Variants in STRN4 observed in about 807,000 individuals in gnomAD.
STRN4 encodes striatin 4, also known as striatin-4.
Under a neutral mutation model 77.9 loss-of-function variants are expected in STRN4, and 27 were observed. The observed-to-expected ratio is 0.35, with a 90% CI of 0.26 to 0.48. The LOEUF is 0.48. STRN4 is among the 20% of genes least tolerant of loss of function. The pLI is 0.99. For synonymous variants in STRN4, 466 were observed against 443.1 expected, an observed-to-expected ratio of 1.05 and a Z score of -0.65; for missense variants, 798 against 1,049.7, an observed-to-expected ratio of 0.76 and a Z score of 3.31.
chr19:46,740,832 G>A lies in STRN4; in HGVS notation c.283-1944C>T, dbSNP rs926649017. 3.9e-5 allele frequency among the ~76,000 whole-genome samples: 6 copies of A among 152,220 alleles called. No homozygotes were observed. In the East Asian group the frequency reaches 5.8e-4, roughly 15 times the overall value. On this transcript the variant is annotated intron_variant, in intron 1 of 17. Transcript: ENST00000263280. Reference sequence around the variant, plus strand: ...TGCAATGTGACTAGGACCCCATTGCGGGAGCGAAGGACGCTATGGGAAGAG... The same window carrying A: ...TGCAATGTGACTAGGACCCCATTGCAGGAGCGAAGGACGCTATGGGAAGAG...
Position 46,723,496 on chromosome 19 carries a change from G to A in STRN4, c.1595-212C>T, listed in dbSNP as rs184607104. Among the ~76,000 whole-genome samples, 118 of 152,328 alleles carry A rather than the reference G, an allele frequency of 7.7e-4. No homozygotes were observed. Among genetic ancestry groups the A allele is most frequent in the Non-Finnish European group, 1.4e-3 (96 of 68,020 alleles). On this transcript the variant is annotated intron_variant, in intron 12 of 17. Coordinates refer to ENST00000263280, the MANE Select transcript of STRN4 (RefSeq NM_013403.3). The surrounding 1 kb of genome is among the most constrained non-coding windows in gnomAD (Gnocchi z 5.5). ...CTAGCTCTCCAAGGAAGGTTCTAGG[G>A]CTCCAGAAGGCAGGGATTTCCCTCT... is the stretch of plus-strand genomic sequence containing the variant.
chr19:46,729,754 G>A (rs1326204413), intron 6 of STRN4, among the ~76,000 whole-genome samples: 2 of 152,190 alleles, frequency 1.3e-5, no homozygotes, highest in East Asian at 1.9e-4. Context: ...AGCACTTGGG[G>A]GACAGCCACC....
In STRN4 at chr19:46,725,355, A is replaced by G. The variant is rs749806636; in HGVS notation, c.1449T>C (p.Pro483=). The part of the protein sequence containing the change: ...AKKNAALDVE[P]IHAFRAHRGP... ...ACCTGTGAGCCCGGAAAGCATGTAT[A>G]GGTTCCACATCTAGCGCCGCATTCC... is the stretch of plus-strand genomic sequence containing the variant. Residue 483 remains proline (P), a synonymous_variant, in exon 11 of 18, where the codon CCT becomes CCC. Coordinates refer to ENST00000263280, the MANE Select transcript of STRN4 (RefSeq NM_013403.3). 114 of 1,614,060 alleles carry G rather than the reference A, an allele frequency of 7.1e-5. No individual in the cohort carries two copies. Among genetic ancestry groups the G allele is most frequent in the Non-Finnish European group, 9.6e-5 (113 of 1,180,052 alleles).
rs779582832 is a variant in STRN4 at position 46,727,500 on chromosome 19, C to T, written c.1200G>A (p.Gly400=). The change falls in exon 9 of 18, where the codon GGG becomes GGA. Residue 400 remains glycine (G), a synonymous_variant. Transcript: ENST00000263280. The stretch of plus-strand genomic sequence containing the variant: ...TGGTGACGGTGAGATCTGCCAAGTC[C>T]CCCAGGCTCACCTCCCCGCCCCCGA... ...DTIGGGEVSL[G]DLADLTVTND... is the part of the protein sequence containing the mutation. 6 of 1,613,898 alleles carry T rather than the reference C, an allele frequency of 3.7e-6. No homozygotes were observed. The Admixed American group carries it at 8.3e-5, about 22-fold the overall frequency.
intron 8 of STRN4, 129 bp from the exon 9 acceptor site, chr19:46,727,675 A>G: frequency 1.2e-6 from 1 of 803,366 alleles, no homozygotes; most frequent in Non-Finnish European, 2.0e-6. Context: ...GGGAGAGGAC[A>G]AGATGAAGAA....
At chr19:46,739,039 G>C in intron 1 of STRN4, 151 bp from the exon 2 acceptor site, 1 of 681,184 alleles carries the variant, frequency 1.5e-6, no homozygotes, top group South Asian at 1.7e-5. Flanking sequence ...CCCAAGCCAG[G>C]GTTCAGGGAG....
rs1484325256 is a variant in STRN4, at chr19:46,727,621, C to G, written c.1154-75G>C. Reference sequence around the variant, plus strand: ...AGAGGGCCAGGGAGAGAGAGAATGACAGAGAGAGGCAGAGAAAGAGATAAA... The same window carrying G: ...AGAGGGCCAGGGAGAGAGAGAATGAGAGAGAGAGGCAGAGAAAGAGATAAA... On this transcript the variant is annotated intron_variant, in intron 8 of 17. Transcript: ENST00000263280. 5.9e-6 allele frequency: 7 copies of G among 1,178,256 alleles called. No individual in the cohort carries two copies. In the East Asian group the frequency reaches 1.5e-4, roughly 25 times the overall value. The allele number at this position is 1,178,256 out of a possible 1,614,324, so 73.0% of individuals were successfully genotyped here.
In STRN4 at chr19:46,741,093, A is replaced by C. The variant is rs1445000348; in HGVS notation, c.283-2205T>G. Among the ~76,000 whole-genome samples the C allele has an allele frequency of 2.0e-5, 3 of 152,220 alleles. No individual in the cohort carries two copies. Among genetic ancestry groups the C allele is most frequent in the African/African-American group, 7.2e-5 (3 of 41,470 alleles). The stretch of plus-strand genomic sequence containing the variant: ...TTATAAAGGCAGCTCCAGCTAAAAC[A>C]TGGAGAACTGACTGGAGGGAGTTCT... On this transcript the variant is annotated intron_variant, in intron 1 of 17. Coordinates refer to ENST00000263280, the MANE Select transcript of STRN4 (RefSeq NM_013403.3). This position sits in a 1 kb window ranked among gnomAD's most constrained non-coding sequence, Gnocchi z 4.9.
chr19:46,728,854 G>T, intron 6 of STRN4, 77 bp from the exon 7 acceptor site: 1 of 1,568,694 alleles, frequency 6.4e-7, no homozygotes. Flanking sequence ...CTAGGAACAG[G>T]TAAGCCGGGG....
At chr19:46,728,575 G>T in intron 7 of STRN4, 43 bp downstream of exon 7, 1 of 1,594,240 alleles carries the variant, frequency 6.3e-7, no homozygotes. Flanking sequence ...CACCCCCTCG[G>T]TGGGGAAGGC....
At chr19:46,743,138 G>A (rs1013986324) in intron 1 of STRN4, among the ~76,000 whole-genome samples, 2 of 152,196 alleles carry the variant, frequency 1.3e-5, no homozygotes, top group African/African-American at 4.8e-5. Context: ...TACAGCAGTA[G>A]TTCATCTATT....
intron 6 of STRN4, among the ~76,000 whole-genome samples, chr19:46,729,187 G>A (rs931389785): frequency 3.9e-5 from 6 of 152,244 alleles, no homozygotes; most frequent in Non-Finnish European, 8.8e-5. Flanking sequence ...ACCAGCAGCC[G>A]TGCTGGCACA....
chr19:46,720,876 G>T, intron 16 of STRN4, 105 bp from the exon 17 acceptor site: 1 of 1,315,990 alleles, frequency 7.6e-7, no homozygotes, highest in Non-Finnish European at 1.0e-6. Context: ...GGGGAAGTGG[G>T]GCTCAACTCT....
Position 46,728,653 on chromosome 19 carries a change from C to A in STRN4, c.1004G>T (p.Arg335Leu). The change falls in exon 7 of 18, where the codon CGG becomes CTG. Residue 335 changes from arginine (R) to leucine (L), a missense_variant. Coordinates refer to ENST00000263280, the MANE Select transcript of STRN4 (RefSeq NM_013403.3). ...GEDGEGAPDP[R>L]RCTVDGSPHE... The stretch of plus-strand genomic sequence containing the variant: ...GGGGCTCCCATCCACAGTGCACCGC[C>A]GAGGGTCTGGAGCCCCTTCCCCATC... 6.2e-7 allele frequency: 1 copy of A among 1,614,082 alleles called. No homozygotes were observed.
intron 8 of STRN4, 108 bp downstream of exon 8, chr19:46,727,786 T>G (rs997692289): frequency 1.2e-5 from 13 of 1,053,632 alleles, no homozygotes; most frequent in African/African-American, 1.6e-5. Flanking sequence ...GGCTGCAGAC[T>G]GGAGGCTGGG....
In STRN4 at chr19:46,738,153, AGGGT is replaced by A; in HGVS notation, c.460+7_460+10del. ...AGGGTGCCGACAGTGCGAGCATCAG[AGGGT>A]GGGTACCTTGTTCTGACACATCTGC... On this transcript the variant is annotated splice_region_variant and intron_variant, in intron 3 of 17. Coordinates refer to ENST00000263280, the MANE Select transcript of STRN4 (RefSeq NM_013403.3). This position sits in a 1 kb window ranked among gnomAD's most constrained non-coding sequence, Gnocchi z 4.5. The A allele has an allele frequency of 6.2e-7, 1 of 1,613,958 alleles. No homozygotes were observed. Among genetic ancestry groups the A allele is most frequent in the Non-Finnish European group, 8.5e-7 (1 of 1,179,812 alleles).
rs1599851499 is a variant in STRN4 at position 46,719,861 on chromosome 19, G to A, written c.*544C>T. 2 of 152,324 alleles carry A rather than the reference G, an allele frequency of 1.3e-5. No individual in the cohort carries two copies. The highest frequency in any genetic ancestry group is 4.8e-5 in the African/African-American group (2 of 41,438). 9.4% of individuals were successfully genotyped at this position (152,324 alleles called of 1,614,324 possible). A position where few individuals can be genotyped will look rare whatever the true frequency, so the allele number is the denominator to read the frequency against. ...GGGCGCTGGGAGGGCTGCCCTAGGA[G>A]TGTTGGGCAATCCCTGGCCTGGAAG... On this transcript the variant is annotated 3_prime_UTR_variant, in exon 18 of 18. Transcript: ENST00000263280.
chr19:46,737,396 G>C (rs1164683530), intron 3 of STRN4, among the ~76,000 whole-genome samples: 2 of 152,186 alleles, frequency 1.3e-5, no homozygotes, highest in Non-Finnish European at 2.9e-5. Flanking sequence ...CAGGGGCCTG[G>C]GCTACATGGG....
intron 12 of STRN4, among the ~76,000 whole-genome samples, chr19:46,724,368 G>A (rs1352270987): frequency 2.0e-5 from 3 of 150,286 alleles, no homozygotes; most frequent in African/African-American, 2.5e-5. Flanking sequence ...AAGCCCCAAC[G>A]CGCTCCAGCC....
Sources: gnomAD v4.1 joint callset for allele counts (sites outside exome capture counted in the v4.1 genomes callset) on GRCh38, gnomAD v4.1.1 for gene constraint, Gnocchi (gnomAD v3.1) non-coding constraint, MANE v1.5 for transcripts, NCBI Gene and HGNC (gene_info 2026-07-23, HGNC 2026-07-21) for gene names.